Variants in LRRK1 observed in about 807,000 individuals in gnomAD.
LRRK1 encodes leucine-rich repeat serine/threonine-protein kinase 1.
In LRRK1, 113 loss-of-function variants were observed where a neutral mutation model predicts 209.1. That is an observed-to-expected ratio of 0.54 (90% CI 0.46 to 0.63). LRRK1 has a LOEUF of 0.63. Among genes scored for constraint, LRRK1 ranks in the 30% least tolerant of loss-of-function variants. LRRK1 has a pLI of 0.00. For synonymous variants in LRRK1, 1,144 were observed against 1,099.7 expected (o/e 1.04, Z -0.80); for missense variants, 2,284 against 2,632.2 (o/e 0.87, Z 2.89).
Position 101,061,168 on chromosome 15 carries a change from C to G in LRRK1, c.4680-3C>G, listed in dbSNP as rs1428325231. 1 of 1,611,390 alleles carries G rather than the reference C, an allele frequency of 6.2e-7. No homozygotes were observed. The highest frequency in any genetic ancestry group is 8.5e-7 in the Non-Finnish European group (1 of 1,177,842). Reference sequence around the variant, plus strand: ...CTGACAGCACAGTTTCTGCCACTTACAGGAACTACACGGTGGTGAACACAG... The same window carrying G: ...CTGACAGCACAGTTTCTGCCACTTAGAGGAACTACACGGTGGTGAACACAG... On this transcript the variant is annotated splice_polypyrimidine_tract_variant and splice_region_variant and intron_variant, in intron 29 of 33. Coordinates refer to ENST00000388948, the MANE Select transcript of LRRK1 (RefSeq NM_024652.6).
At position 101,022,811 on chromosome 15, in the gene LRRK1, CTTTTCT is replaced by C. The variant is rs1434663675; in HGVS notation, c.2067+219_2067+224del. ...CTTTGTGATGTTTTCTTTTTCTTTA[CTTTTCT>C]TTTTTTTTTTTCTTGAGACAGGGTT... On this transcript the variant is annotated intron_variant, in intron 15 of 33. Transcript: ENST00000388948. This position sits in a 1 kb window ranked among gnomAD's most constrained non-coding sequence, Gnocchi z 4.0. Among the ~76,000 whole-genome samples the C allele has an allele frequency of 2.0e-5, 3 of 148,682 alleles. No homozygotes were observed. The highest frequency in any genetic ancestry group is 7.8e-5 in the African/African-American group (3 of 38,364).
intron 20 of LRRK1, among the ~76,000 whole-genome samples, chr15:101,040,818 T>C (rs1239481325): frequency 6.6e-6 from 1 of 152,274 alleles, no homozygotes; most frequent in East Asian, 1.9e-4. Flanking sequence ...ACTTATTTTA[T>C]GGGCCAATGT....
At chr15:101,043,694 G>A (rs1478821087) in intron 20 of LRRK1, 1 of 152,174 alleles carries the variant, frequency 6.6e-6, no homozygotes, top group Non-Finnish European at 1.5e-5. Context: ...GGCACAGCAG[G>A]TTAGAATATG....
In LRRK1 at chr15:101,024,984, C is replaced by T. The variant is rs2033957890; in HGVS notation, c.2232+17C>T. The T allele has an allele frequency of 1.2e-6, 2 of 1,607,266 alleles. No homozygotes were observed. Among genetic ancestry groups the T allele is most frequent in the South Asian group, 1.1e-5 (1 of 90,830 alleles). On this transcript the variant is annotated intron_variant, in intron 16 of 33. Coordinates refer to ENST00000388948, the MANE Select transcript of LRRK1 (RefSeq NM_024652.6). The surrounding 1 kb of genome is among the most constrained non-coding windows in gnomAD (Gnocchi z 4.6). ...AACATCGAGGTGAGGACACCAGACG[C>T]CAGCCCTGCCATTTCAGTGCCCAGA... is the stretch of plus-strand genomic sequence containing the variant.
At chr15:101,001,896 A>G (rs1388696269) in intron 6 of LRRK1, among the ~76,000 whole-genome samples, 1 of 152,204 alleles carries the variant, frequency 6.6e-6, no homozygotes, top group Non-Finnish European at 1.5e-5. Flanking sequence ...CTGTGGGGTC[A>G]GTGAGACCTA....
chr15:101,015,076 G>A (rs544750655), intron 11 of LRRK1, among the ~76,000 whole-genome samples: 32 of 152,252 alleles, frequency 2.1e-4, no homozygotes, highest in African/African-American at 7.2e-4. Context: ...GAGACCAGCC[G>A]CCCCCGTTAT....
intron 29 of LRRK1, among the ~76,000 whole-genome samples, 184 bp downstream of exon 29, chr15:101,058,325 T>C (rs535790074): frequency 2.0e-5 from 3 of 152,138 alleles, no homozygotes; most frequent in Non-Finnish European, 4.4e-5. Flanking sequence ...CAAAGAGACG[T>C]GCATGTATGG....
At position 101,027,397 on chromosome 15, in the gene LRRK1, G is replaced by A. The variant is rs2141102698; in HGVS notation, c.2526+16G>A. 1 of 1,611,466 alleles carries A rather than the reference G, an allele frequency of 6.2e-7. No homozygotes were observed. The highest frequency in any genetic ancestry group is 8.5e-7 in the Non-Finnish European group (1 of 1,179,476). ...AGGGCGGCTGGTGGGTACCTTGCTG[G>A]TCCAGTTTAAACCAGTCTGCCTGCT... On this transcript the variant is annotated intron_variant, in intron 18 of 33. Coordinates refer to ENST00000388948, the MANE Select transcript of LRRK1 (RefSeq NM_024652.6). This position sits in a 1 kb window ranked among gnomAD's most constrained non-coding sequence, Gnocchi z 5.1.
At chr15:100,989,825 C>T (rs567927426) in intron 6 of LRRK1, among the ~76,000 whole-genome samples, 2 of 152,184 alleles carry the variant, frequency 1.3e-5, no homozygotes, top group South Asian at 2.1e-4. Flanking sequence ...TCATCCCCCT[C>T]CCAGAGTTTT....
At chr15:100,932,451 A>G (rs1008600858) in intron 2 of LRRK1, among the ~76,000 whole-genome samples, 1 of 152,226 alleles carries the variant, frequency 6.6e-6, no homozygotes, top group African/African-American at 2.4e-5. Flanking sequence ...TGTGAATCCA[A>G]CCATCTTTCA....
rs12440907 is a variant in LRRK1, at chr15:101,011,604, A to C, written c.1282-404A>C. ...GAAGAATGTGTGTGTGTGTGTGTGC[A>C]TGTGTGTGTGTGTTATGGCTGTTGG... On this transcript the variant is annotated intron_variant, in intron 9 of 33. Transcript: ENST00000388948. Among the ~76,000 whole-genome samples, 315 of 145,916 alleles carry C rather than the reference A, an allele frequency of 2.2e-3. 6 individuals carry two copies. The highest frequency in any genetic ancestry group is 0.02 in the Admixed American group (288 of 14,572).
At chr15:101,015,272 A>T (rs2033477421) in intron 11 of LRRK1, 54 bp from the exon 12 acceptor site, 1 of 1,409,410 alleles carries the variant, frequency 7.1e-7, no homozygotes, top group African/African-American at 1.4e-5. Flanking sequence ...CACAGCCAAA[A>T]GTAATGCTTT....
chr15:100,972,347 A>AT (rs1230551262), intron 2 of LRRK1, among the ~76,000 whole-genome samples: 19 of 131,574 alleles, frequency 1.4e-4, no homozygotes, highest in African/African-American at 5.3e-4. Context: ...AGAGAGAGAG[A>AT]GAGAGAGAGA....
At chr15:100,921,216 T>C (rs1176529580) in intron 1 of LRRK1, among the ~76,000 whole-genome samples, 1 of 152,154 alleles carries the variant, frequency 6.6e-6, no homozygotes, top group Non-Finnish European at 1.5e-5. Context: ...CCGTGCATGG[T>C]GGTAGAGTGA....
rs1284664341 is a variant in LRRK1 at position 101,072,948 on chromosome 15, C to CGGGGG, written c.*4102_*4106dup. ...ATTAAATTTGGTGCCGTAACTGGCG[C>CGGGGG]GGGGGGAGGGGGGGGGGAACCTCCC... On this transcript the variant is annotated 3_prime_UTR_variant, in exon 34 of 34. Transcript: ENST00000388948. 1 of 89,778 alleles carries CGGGGG rather than the reference C, an allele frequency of 1.1e-5. No individual in the cohort carries two copies. The highest frequency in any genetic ancestry group is 3.9e-5 in the African/African-American group (1 of 25,450). 5.6% of individuals were successfully genotyped at this position (89,778 alleles called of 1,614,324 possible).
Position 100,924,609 on chromosome 15 carries a change from G to C in LRRK1, c.-24G>C. The C allele has an allele frequency of 1.9e-6, 3 of 1,611,988 alleles. No individual in the cohort carries two copies. The highest frequency in any genetic ancestry group is 2.5e-6 in the Non-Finnish European group (3 of 1,178,280). On this transcript the variant is annotated 5_prime_UTR_variant, in exon 2 of 34. It removes the in-frame stop codon of an upstream open reading frame in the 5' UTR. Transcript: ENST00000388948. ...AGTGACAACAGCGGGACCTGCCTTT[G>C]AAGATCGGCTGCTGCAAGGGTTGAT...
Position 101,051,858 on chromosome 15 carries a change from C to T in LRRK1, c.3587C>T (p.Thr1196Met), listed in dbSNP as rs754107420. The change falls in exon 24 of 34, where the codon ACG becomes ATG. Residue 1196 changes from threonine (T) to methionine (M), a missense_variant. Coordinates refer to ENST00000388948, the MANE Select transcript of LRRK1 (RefSeq NM_024652.6). Reference protein sequence around the residue: ...QYFDMEDCVLTAIERDFISCP... With the variant: ...QYFDMEDCVLMAIERDFISCP... ...TTCGACATGGAAGACTGTGTCCTGA[C>T]GGCCATCGAGCGGGACTTCATCTCC... is the stretch of plus-strand genomic sequence containing the variant. 7.4e-6 allele frequency: 12 copies of T among 1,614,008 alleles called. No homozygotes were observed. The highest frequency in any genetic ancestry group is 2.7e-5 in the African/African-American group (2 of 74,936).
intron 21 of LRRK1, among the ~76,000 whole-genome samples, chr15:101,048,187 C>A (rs1013389401): frequency 6.6e-6 from 1 of 151,882 alleles, no homozygotes; most frequent in Non-Finnish European, 1.5e-5. Flanking sequence ...TTCCCTCTTA[C>A]ATTTTTCTGT....
chr15:101,001,015 T>G (rs1290758079), intron 6 of LRRK1, among the ~76,000 whole-genome samples: 1 of 152,118 alleles, frequency 6.6e-6, no homozygotes, highest in South Asian at 2.1e-4. Context: ...GCCTCCTTTC[T>G]CCTTAAGAGC....
Sources: gnomAD v4.1 joint callset for allele counts (sites outside exome capture counted in the v4.1 genomes callset) on GRCh38, gnomAD v4.1.1 for gene constraint, Gnocchi (gnomAD v3.1) non-coding constraint, MANE v1.5 for transcripts, NCBI Gene and HGNC (gene_info 2026-07-23, HGNC 2026-07-21) for gene names.